MGAT4C: variants seen among roughly 807,000 people sequenced by gnomAD.
MGAT4C encodes the protein alpha-1,3-mannosyl-glycoprotein 4-beta-N-acetylglucosaminyltransferase C.
Under a neutral mutation model 40.1 loss-of-function variants are expected in MGAT4C, and 19 were observed. The observed-to-expected ratio is 0.47, with a 90% CI of 0.33 to 0.70. The LOEUF (loss-of-function observed/expected upper bound fraction) is 0.70. MGAT4C is among the 30% of genes least tolerant of loss of function. MGAT4C has a pLI of 0.02. For synonymous variants in MGAT4C, 181 were observed against 187.1 expected (o/e 0.97, Z 0.27); for missense variants, 491 against 563.2 (o/e 0.87, Z 1.30).
Position 86,509,861 on chromosome 12 carries a change from T to G in MGAT4C, c.-228-74596A>C, listed in dbSNP as rs1958541641. On this transcript the variant is annotated intron_variant, in intron 2 of 7. Transcript: ENST00000548651. ...GTTCATTCATGATTTAGCTCTCTGTTTGTCTGCTATTGGTGTATAAGAATG... is the reference window on the plus strand; with the variant it reads ...GTTCATTCATGATTTAGCTCTCTGTGTGTCTGCTATTGGTGTATAAGAATG... Among the ~76,000 whole-genome samples, 3 of 152,200 alleles carry G rather than the reference T, an allele frequency of 2.0e-5. No homozygotes were observed. In the South Asian group the frequency reaches 6.2e-4, roughly 32 times the overall value.
At chr12:86,659,332 G>A (rs1963925211) in intron 2 of MGAT4C, among the ~76,000 whole-genome samples, 2 of 151,984 alleles carry the variant, frequency 1.3e-5, no homozygotes, top group South Asian at 4.2e-4. Flanking sequence ...AAACTAAGGT[G>A]GAAATTCTCC....
chr12:86,403,487 A>T (rs1956408538), intron 3 of MGAT4C, among the ~76,000 whole-genome samples: 1 of 152,204 alleles, frequency 6.6e-6, no homozygotes. Context: ...GTCAACCACA[A>T]AGAAGACATA....
chr12:86,036,221 C>T lies in MGAT4C; in HGVS notation c.-7+13453G>A, dbSNP rs571744700. Among the ~76,000 whole-genome samples the T allele has an allele frequency of 9.6e-4, 144 of 149,800 alleles. 10 individuals carry two copies. Among genetic ancestry groups the T allele is most frequent in the South Asian group, 8.8e-3 (42 of 4,756 alleles). On this transcript the variant is annotated intron_variant, in intron 2 of 4. Coordinates refer to ENST00000611864, the MANE Select transcript of MGAT4C (RefSeq NM_001351288.2). ...TCCTCTCCAGCCCCATGGGCTGAGA[C>T]GATGGGGTTTTCTAAATATACAATC...
intron 2 of MGAT4C, chr12:86,015,625 C>G (rs1332615113): frequency 6.6e-6 from 1 of 152,216 alleles, no homozygotes; most frequent in Non-Finnish European, 1.5e-5. Flanking sequence ...GCTGCAATAA[C>G]TGGAGGAAGA....
At position 86,415,031 on chromosome 12, in the gene MGAT4C, C is replaced by T. The variant is rs113520988; in HGVS notation, c.-120+20126G>A. 2.0e-3 allele frequency among the ~76,000 whole-genome samples: 304 copies of T among 152,112 alleles called. 2 individuals are homozygous for T. The highest frequency in any genetic ancestry group is 6.8e-3 in the African/African-American group (282 of 41,530). On this transcript the variant is annotated intron_variant, in intron 3 of 7. Coordinates refer to the MGAT4C transcript ENST00000548651. ...TTTCAACTGGTGATACTAGACAAACCTCTCCTTTTTAAACTTTCCACCCCT... is the reference window on the plus strand; with the variant it reads ...TTTCAACTGGTGATACTAGACAAACTTCTCCTTTTTAAACTTTCCACCCCT...
intron 2 of MGAT4C, among the ~76,000 whole-genome samples, chr12:86,550,551 G>A (rs1484100562): frequency 2.6e-5 from 4 of 152,160 alleles, no homozygotes; most frequent in African/African-American, 4.8e-5. Context: ...GAGGCCAGTA[G>A]GCACTGCACC....
chr12:86,629,976 A>T (rs1325557083), intron 2 of MGAT4C, among the ~76,000 whole-genome samples: 3 of 152,152 alleles, frequency 2.0e-5, no homozygotes, highest in African/African-American at 7.2e-5. Flanking sequence ...CGGTTTTTTG[A>T]AAAGATCAAC....
At chr12:86,509,627 A>G (rs1375525365) in intron 2 of MGAT4C, among the ~76,000 whole-genome samples, 1 of 152,134 alleles carries the variant, frequency 6.6e-6, no homozygotes, top group African/African-American at 2.4e-5. Context: ...TGGGGATGGC[A>G]TTGAATCTGT....
intron 3 of MGAT4C, among the ~76,000 whole-genome samples, chr12:86,357,128 A>G (rs1286009731): frequency 6.6e-6 from 1 of 152,176 alleles, no homozygotes; most frequent in African/African-American, 2.4e-5. Context: ...AAAAGCTTCC[A>G]GAGGAAGGAA....
intron 1 of MGAT4C, among the ~76,000 whole-genome samples, chr12:86,085,954 A>G (rs1376600048): frequency 6.6e-6 from 1 of 152,132 alleles, no homozygotes; most frequent in East Asian, 1.9e-4. Flanking sequence ...AGTGTAAATT[A>G]GTTCAACCAT....
intron 1 of MGAT4C, among the ~76,000 whole-genome samples, chr12:86,195,774 C>T (rs1365767724): frequency 6.6e-6 from 1 of 152,046 alleles, no homozygotes; most frequent in Non-Finnish European, 1.5e-5. Context: ...ATCAGATTAA[C>T]TGAATCATAA....
chr12:86,149,311 AT>A (rs1337819884), intron 1 of MGAT4C, among the ~76,000 whole-genome samples: 1 of 152,164 alleles, frequency 6.6e-6, no homozygotes, highest in Admixed American at 6.6e-5. Flanking sequence ...CTAAATCCTC[AT>A]TTTAAAATTA....
In MGAT4C at chr12:85,956,406, T is replaced by C. The variant is rs542168607; in HGVS notation, c.*22883A>G. 6.6e-6 allele frequency: 1 copy of C among 152,314 alleles called. No homozygotes were observed. Among genetic ancestry groups the C allele is most frequent in the Admixed American group, 6.5e-5 (1 of 15,290 alleles). The allele number at this position is 152,314 out of a possible 1,614,324, so 9.4% of individuals were successfully genotyped here. A position where few individuals can be genotyped will look rare whatever the true frequency, so the allele number is the denominator to read the frequency against. On this transcript the variant is annotated 3_prime_UTR_variant, in exon 5 of 5. Transcript: ENST00000611864. ...CTCAATAACTTCGGTGTTTTGTTTGTCCTTAGACAATAGAGATAATATATT... is the reference window on the plus strand; with the variant it reads ...CTCAATAACTTCGGTGTTTTGTTTGCCCTTAGACAATAGAGATAATATATT...
chr12:86,164,112 G>A (rs968529064), intron 1 of MGAT4C, among the ~76,000 whole-genome samples: 1 of 152,132 alleles, frequency 6.6e-6, no homozygotes, highest in Non-Finnish European at 1.5e-5. Flanking sequence ...AGATGCCTTT[G>A]AGAGTAAATC....
At chr12:86,683,869 G>C (rs1159249190) in intron 2 of MGAT4C, among the ~76,000 whole-genome samples, 1 of 152,162 alleles carries the variant, frequency 6.6e-6, no homozygotes, top group Non-Finnish European at 1.5e-5. Context: ...TGTTGCAGCT[G>C]ATGAGCTGTC....
chr12:86,568,741 T>C (rs1162866010), intron 2 of MGAT4C, among the ~76,000 whole-genome samples: 4 of 151,852 alleles, frequency 2.6e-5, no homozygotes, highest in African/African-American at 9.7e-5. Context: ...CATAGACTGA[T>C]GAAAAAGCAT....
chr12:86,728,103 G>C (rs889503519), intron 1 of MGAT4C, among the ~76,000 whole-genome samples: 1 of 152,104 alleles, frequency 6.6e-6, no homozygotes, highest in Non-Finnish European at 1.5e-5. Context: ...TATTTCCATA[G>C]AAAAAGTCTA....
intron 4 of MGAT4C, among the ~76,000 whole-genome samples, chr12:86,263,568 A>G (rs1357870002): frequency 2.0e-5 from 3 of 152,098 alleles, no homozygotes; most frequent in Admixed American, 6.5e-5. Flanking sequence ...TCTTTATTCA[A>G]TCATCTATTG....
intron 1 of MGAT4C, among the ~76,000 whole-genome samples, chr12:86,799,825 T>C (rs1011072487): frequency 5.9e-5 from 9 of 151,922 alleles, no homozygotes; most frequent in Admixed American, 1.3e-4. Flanking sequence ...GAGAGGACTA[T>C]ATATTGCCTG....
Sources: allele counts gnomAD v4.1 joint callset (sites outside exome capture counted in the v4.1 genomes callset), GRCh38; gene constraint gnomAD v4.1.1; transcripts MANE v1.5; gene names NCBI Gene and HGNC (gene_info 2026-07-23, HGNC 2026-07-21).